The following WDR72 variants were observed in gnomAD, a reference collection of about 807,000 sequenced individuals.
The protein encoded by WDR72 is WD repeat-containing protein 72.
A neutral mutation model predicts 124.2 loss-of-function variants in WDR72; 120 were observed. That is an observed-to-expected ratio of 0.97 (90% CI 0.83 to 1.12). The LOEUF is 1.12. Among genes scored for constraint, WDR72 ranks in the 50% most tolerant of loss-of-function variants. The pLI is 0.00. For missense variants in WDR72, 1,387 were observed against 1,278.8 expected (o/e 1.08, Z -1.29); for synonymous variants, 452 against 441.7 (o/e 1.02, Z -0.29).
intron 2 of WDR72, among the ~76,000 whole-genome samples, chr15:53,728,330 C>T (rs1027005841): frequency 1.3e-5 from 2 of 152,192 alleles, no homozygotes; most frequent in African/African-American, 4.8e-5. Flanking sequence ...TTATCTACCC[C>T]TGGGTTCTTC....
In WDR72 at chr15:53,658,394, T is replaced by G. The variant is rs371007298; in HGVS notation, c.1962+7178A>C. Among the ~76,000 whole-genome samples, 28 of 152,328 alleles carry G rather than the reference T, an allele frequency of 1.8e-4. No individual in the cohort carries two copies. The East Asian group carries it at 5.0e-3, about 27-fold the overall frequency. ...AATATCTATTACAGCCAGTCAGGTA[T>G]CATAGCAACCTTGTAGTGCTGAAAA... On this transcript the variant is annotated intron_variant, in intron 14 of 19. Coordinates refer to ENST00000360509, the MANE Select transcript of WDR72 (RefSeq NM_182758.4).
intron 13 of WDR72, among the ~76,000 whole-genome samples, chr15:53,670,428 A>C (rs1294159545): frequency 6.6e-6 from 1 of 152,220 alleles, no homozygotes; most frequent in African/African-American, 2.4e-5. Flanking sequence ...TTTCCCTGTC[A>C]GTTCAGCATA....
intron 1 of WDR72, among the ~76,000 whole-genome samples, chr15:53,754,471 GA>G (rs1264636836): frequency 1.3e-5 from 2 of 151,032 alleles, no homozygotes; most frequent in Admixed American, 6.6e-5. Context: ...CTTATTCTAA[GA>G]AAAAAAAATC....
At chr15:53,653,075 A>G (rs969655793) in intron 14 of WDR72, among the ~76,000 whole-genome samples, 1 of 152,162 alleles carries the variant, frequency 6.6e-6, no homozygotes, top group Non-Finnish European at 1.5e-5. Context: ...ACTTAAAGCA[A>G]TTGGGTGGCG....
At chr15:53,613,344 C>G (rs866391430) in intron 16 of WDR72, among the ~76,000 whole-genome samples, 1 of 151,932 alleles carries the variant, frequency 6.6e-6, no homozygotes, top group Admixed American at 6.6e-5. Context: ...AATTTTTAGG[C>G]ATTTCAAAGA....
chr15:53,726,804 A>C (rs1369396607), intron 2 of WDR72, among the ~76,000 whole-genome samples: 1 of 152,170 alleles, frequency 6.6e-6, no homozygotes, highest in South Asian at 2.1e-4. Flanking sequence ...AGCTCATGCC[A>C]CTGCACTCCA....
chr15:53,529,078 T>C (rs1323380434), intron 18 of WDR72, among the ~76,000 whole-genome samples: 1 of 150,190 alleles, frequency 6.7e-6, no homozygotes, highest in Non-Finnish European at 1.5e-5. Context: ...AAAGGAAGTC[T>C]GCATAAAGAA....
At chr15:53,625,353 G>C (rs1370999894) in intron 14 of WDR72, among the ~76,000 whole-genome samples, 1 of 152,134 alleles carries the variant, frequency 6.6e-6, no homozygotes, top group East Asian at 1.9e-4. Context: ...TCATAGACAA[G>C]GTCCTGGTAT....
At chr15:53,578,115 A>G (rs1402389088) in intron 18 of WDR72, among the ~76,000 whole-genome samples, 2 of 152,238 alleles carry the variant, frequency 1.3e-5, no homozygotes, top group South Asian at 2.1e-4. Flanking sequence ...TTTGTTTATC[A>G]TATGTTTATC....
In WDR72 at chr15:53,655,884, G is replaced by T. The variant is rs911068043; in HGVS notation, c.1962+9688C>A. On this transcript the variant is annotated intron_variant, in intron 14 of 19. Coordinates refer to ENST00000360509, the MANE Select transcript of WDR72 (RefSeq NM_182758.4). The stretch of plus-strand genomic sequence containing the variant: ...ATTTTTGTATTTTTAGTAGAGACGG[G>T]GTTTCACCATGTTGGTCAGGCTGGT... 3.9e-5 allele frequency among the ~76,000 whole-genome samples: 6 copies of T among 152,228 alleles called. No homozygotes were observed. In the East Asian group the frequency reaches 9.7e-4, roughly 25 times the overall value.
At chr15:53,758,711 C>G (rs2018978546) in intron 1 of WDR72, among the ~76,000 whole-genome samples, 1 of 141,384 alleles carries the variant, frequency 7.1e-6, no homozygotes, top group African/African-American at 2.7e-5. Context: ...TAAAAAGATC[C>G]CCAACAGGTG....
intron 6 of WDR72, among the ~76,000 whole-genome samples, chr15:53,713,517 C>T (rs1001010678): frequency 4.0e-5 from 6 of 150,638 alleles, no homozygotes; most frequent in Non-Finnish European, 7.4e-5. Flanking sequence ...GTGGCAGGAT[C>T]TCGGCTCACT....
chr15:53,734,116 T>C (rs573824383), intron 1 of WDR72, among the ~76,000 whole-genome samples: 3 of 152,258 alleles, frequency 2.0e-5, no homozygotes, highest in Non-Finnish European at 2.9e-5. Context: ...TTAAAACTTA[T>C]GATACATGTT....
chr15:53,555,375 G>A (rs1469741611), intron 18 of WDR72, among the ~76,000 whole-genome samples: 1 of 151,872 alleles, frequency 6.6e-6, no homozygotes, highest in Admixed American at 6.6e-5. Flanking sequence ...AGACAAAGAT[G>A]CAGACAAAGA....
At chr15:53,715,154 A>G in intron 5 of WDR72, 39 bp downstream of exon 5, 1 of 1,597,424 alleles carries the variant, frequency 6.3e-7, no homozygotes, top group African/African-American at 1.3e-5. Context: ...ATATTTTTAT[A>G]TGCAATCTCT....
At chr15:53,665,521 C>T in intron 14 of WDR72, 51 bp downstream of exon 14, 1 of 1,605,270 alleles carries the variant, frequency 6.2e-7, no homozygotes. Context: ...CATATAACTT[C>T]TTATTCGGTT....
chr15:53,696,242 C>T (rs572813613), intron 13 of WDR72, among the ~76,000 whole-genome samples: 1 of 152,232 alleles, frequency 6.6e-6, no homozygotes, highest in East Asian at 1.9e-4. Context: ...AGTGTGAACC[C>T]TGTGGAGAGA....
chr15:53,718,546 G>A (rs1039932098), intron 3 of WDR72, among the ~76,000 whole-genome samples: 2 of 151,780 alleles, frequency 1.3e-5, no homozygotes, highest in East Asian at 1.9e-4. Context: ...TATCAATTTT[G>A]CTTAATAAAA....
At chr15:53,731,157 C>T (rs2018191109) in intron 2 of WDR72, among the ~76,000 whole-genome samples, 1 of 152,132 alleles carries the variant, frequency 6.6e-6, no homozygotes, top group Non-Finnish European at 1.5e-5. Flanking sequence ...TAAATCTCCT[C>T]TATAGTTCTC....
Sources: gnomAD v4.1 joint callset for allele counts (sites outside exome capture counted in the v4.1 genomes callset) on GRCh38, gnomAD v4.1.1 for gene constraint, MANE v1.5 for transcripts, NCBI Gene and HGNC (gene_info 2026-07-23, HGNC 2026-07-21) for gene names.